ABCC10: variants seen among roughly 807,000 people sequenced by gnomAD.
The protein encoded by ABCC10 is ATP-binding cassette sub-family C member 10.
A neutral mutation model predicts 143.2 loss-of-function variants in ABCC10; 110 were observed. The ratio of observed to expected loss-of-function variants is 0.77; its 90% CI spans 0.66 to 0.90. The LOEUF (loss-of-function observed/expected upper bound fraction) is 0.90. ABCC10 is among the 40% of genes least tolerant of loss of function. ABCC10 has a pLI of 0.00. For missense variants in ABCC10, 1,700 were observed against 1,900.5 expected (o/e 0.89, Z 1.96); for synonymous variants, 805 against 846.7 (o/e 0.95, Z 0.85).
Position 43,450,286 on chromosome 6 carries a change from C to T in ABCC10, c.*195C>T. On this transcript the variant is annotated 3_prime_UTR_variant, in exon 22 of 22. Transcript: ENST00000372530. This position sits in a 1 kb window ranked among gnomAD's most constrained non-coding sequence, Gnocchi z 4.5. ...CAGCATCCTGAGGCTTCCCCAGAACCAGGCCTCTGCTCTGGCCCTCTTGCA... is the reference window on the plus strand; with the variant it reads ...CAGCATCCTGAGGCTTCCCCAGAACTAGGCCTCTGCTCTGGCCCTCTTGCA... 1.2e-6 allele frequency: 1 copy of T among 856,232 alleles called. No homozygotes were observed. Among genetic ancestry groups the T allele is most frequent in the Non-Finnish European group, 1.7e-6 (1 of 580,912 alleles). The allele number at this position is 856,232 out of a possible 1,614,324, so 53.0% of individuals were successfully genotyped here.
Position 43,447,245 on chromosome 6 carries a change from C to T in ABCC10, c.3545-3C>T, listed in dbSNP as rs1442323518. The T allele has an allele frequency of 2.5e-6, 4 of 1,612,574 alleles. No individual in the cohort carries two copies. Among genetic ancestry groups the T allele is most frequent in the East Asian group, 2.2e-5 (1 of 44,868 alleles). On this transcript the variant is annotated splice_region_variant and splice_polypyrimidine_tract_variant and intron_variant, in intron 16 of 21. Coordinates refer to ENST00000372530, the MANE Select transcript of ABCC10 (RefSeq NM_001198934.2). ...CCCAGCAGCTGGTACTTCTCTCCCC[C>T]AGGGCTGGTGGGCTTGTCGCTGTCT...
chr6:43,451,144 A>G (rs779705575), downstream of ABCC10: 1 of 1,614,048 alleles, frequency 6.2e-7, no homozygotes, highest in Non-Finnish European at 8.5e-7. The surrounding 1 kb of genome is among the most constrained non-coding windows in gnomAD (Gnocchi z 4.4). Context: ...CCGTTAGCAC[A>G]AGGCCGCATC....
In ABCC10 at chr6:43,447,300, G is replaced by A. The variant is rs755348834; in HGVS notation, c.3597G>A (p.Ser1199=). 1.2e-5 allele frequency: 19 copies of A among 1,613,534 alleles called. No homozygotes were observed. Among genetic ancestry groups the A allele is most frequent in the South Asian group, 8.8e-5 (8 of 91,088 alleles). Residue 1199 remains serine (S), a synonymous_variant, in exon 17 of 22, where the codon TCG becomes TCA. Coordinates refer to ENST00000372530, the MANE Select transcript of ABCC10 (RefSeq NM_001198934.2). ...CCCTGTCCCTGACGGGCCTGCTCTC[G>A]GGCCTGGTGAGCAGCTTCACACAGA... ...SYALSLTGLL[S]GLVSSFTQTE... is the part of the protein sequence containing the mutation.
Position 43,444,936 on chromosome 6 carries a change from C to G in ABCC10, c.2838C>G (p.Leu946=), listed in dbSNP as rs1189874899. The G allele has an allele frequency of 6.2e-7, 1 of 1,610,816 alleles. No homozygotes were observed. Among genetic ancestry groups the G allele is most frequent in the Admixed American group, 1.7e-5 (1 of 59,510 alleles). Residue 946 remains leucine (L), a splice_region_variant and synonymous_variant, in exon 13 of 22, where the codon CTC becomes CTG. Coordinates refer to ENST00000372530, the MANE Select transcript of ABCC10 (RefSeq NM_001198934.2). ...PQLLLFSPGN[L]YIPVFPLPKA... ...TGCTCCTCTTTTCCCCTGGAAACCT[C>G]TAGTGAGTGGCTGGGGCTGGGGGTA...
rs1202030918 is a variant in ABCC10 at position 43,434,836 on chromosome 6, C to T, written c.1596C>T (p.Leu532=). The T allele has an allele frequency of 6.2e-7, 1 of 1,614,106 alleles. No individual in the cohort carries two copies. Among genetic ancestry groups the T allele is most frequent in the Admixed American group, 1.7e-5 (1 of 60,022 alleles). Residue 532 remains leucine (L), a synonymous_variant, in exon 4 of 22, where the codon CTC becomes CTT. Coordinates refer to ENST00000372530, the MANE Select transcript of ABCC10 (RefSeq NM_001198934.2). ...FITYVLMGHQ[L]TATKVFTALA... is the part of the protein sequence containing the mutation. Reference sequence around the variant, plus strand: ...CCTATGTCCTCATGGGGCACCAGCTCACTGCCACCAAGGTGAGGACCAGGA... The same window carrying T: ...CCTATGTCCTCATGGGGCACCAGCTTACTGCCACCAAGGTGAGGACCAGGA...
At chr6:43,450,648 T>C (rs1019029367), downstream of ABCC10, 9 of 1,613,662 alleles carry the variant, frequency 5.6e-6, no homozygotes, top group East Asian at 2.2e-5. The surrounding 1 kb of genome is among the most constrained non-coding windows in gnomAD (Gnocchi z 4.5). Context: ...TGGAGCATAG[T>C]GTGGGGCAGG....
Position 43,444,016 on chromosome 6 carries a change from G to A in ABCC10, c.2494+6G>A. The stretch of plus-strand genomic sequence containing the variant: ...TGGACAAGAGTCTGACTCAGGTATG[G>A]CTCCCCAGTGGGAGAAAAGGGCTTG... On this transcript the variant is annotated splice_donor_region_variant and intron_variant, in intron 11 of 21. Coordinates refer to ENST00000372530, the MANE Select transcript of ABCC10 (RefSeq NM_001198934.2). The A allele has an allele frequency of 1.2e-6, 2 of 1,613,498 alleles. No homozygotes were observed. The highest frequency in any genetic ancestry group is 1.7e-6 in the Non-Finnish European group (2 of 1,179,392).
intron 20 of ABCC10, 81 bp downstream of exon 20, chr6:43,449,285 GT>G: frequency 6.5e-7 from 1 of 1,538,870 alleles, no homozygotes; most frequent in Non-Finnish European, 8.9e-7. Flanking sequence ...GTGGGGAGAG[GT>G]TTTAGGGGAC....
Position 43,448,898 on chromosome 6 carries a change from T to A in ABCC10, c.3977T>A (p.Ile1326Asn). 6.2e-7 allele frequency: 1 copy of A among 1,613,630 alleles called. No homozygotes were observed. The highest frequency in any genetic ancestry group is 8.5e-7 in the Non-Finnish European group (1 of 1,179,826). The change falls in exon 19 of 22, where the codon ATC (isoleucine) becomes AAC (asparagine). Residue 1326 changes from isoleucine (I) to asparagine (N), a missense_variant. Coordinates refer to ENST00000372530, the MANE Select transcript of ABCC10 (RefSeq NM_001198934.2). Reference protein sequence around the residue: ...LAQLRSQLAIIPQEPFLFSGT... With the variant: ...LAQLRSQLAINPQEPFLFSGT... ...TCCCCCAGATCCCAGTTGGCTATCA[T>A]CCCCCAGGAGCCCTTTTTGTTCAGT...
chr6:43,435,602 C>T, intron 4 of ABCC10, 149 bp from the exon 5 acceptor site: 1 of 890,974 alleles, frequency 1.1e-6, no homozygotes, highest in Non-Finnish European at 1.7e-6. Flanking sequence ...GTGACCATCT[C>T]TGCCACATCT....
rs1198359420 is a variant in ABCC10, at chr6:43,443,346, A to G, written c.2416+187A>G. 3.3e-6 allele frequency: 2 copies of G among 608,340 alleles called. No individual in the cohort carries two copies. The highest frequency in any genetic ancestry group is 2.7e-5 in the South Asian group (1 of 37,216). 37.7% of individuals were successfully genotyped at this position (608,340 alleles called of 1,614,324 possible). On this transcript the variant is annotated intron_variant, in intron 10 of 21. Transcript: ENST00000372530. This position sits in a 1 kb window ranked among gnomAD's most constrained non-coding sequence, Gnocchi z 4.2. ...AAAAGGAGTACGTTGGTAAAATGCC[A>G]GTGTATTTGGGACTCATGGGCTTTG...
Position 43,444,859 on chromosome 6 carries a change from G to A in ABCC10, c.2761G>A (p.Glu921Lys). Reference sequence around the variant, plus strand: ...GCTGAAGGCTGAGAATAGCTCCCAGGAGGCGCAACCCTCCACCAGCCCAGC... The same window carrying A: ...GCTGAAGGCTGAGAATAGCTCCCAGAAGGCGCAACCCTCCACCAGCCCAGC... ...SQLKAENSSQEAQPSTSPASM... is the reference protein window; with the variant it reads ...SQLKAENSSQKAQPSTSPASM... The change falls in exon 13 of 22, where the codon GAG becomes AAG. Residue 921 changes from glutamate (E) to lysine (K), a missense_variant. By Grantham distance (56) the Glu-to-Lys change is moderately conservative. Transcript: ENST00000372530. 6.2e-7 allele frequency: 1 copy of A among 1,614,018 alleles called. No individual in the cohort carries two copies. The highest frequency in any genetic ancestry group is 8.5e-7 in the Non-Finnish European group (1 of 1,179,940).
Position 43,449,448 on chromosome 6 carries a change from A to G in ABCC10, c.4230A>G (p.Ala1410=), listed in dbSNP as rs200055327. ...AKILCIDEAT[A]SVDQKTDQLL... ...TCCTGTGTATCGATGAGGCCACAGC[A>G]AGTGTGGACCAGAAGACAGACCAGC... The change falls in exon 21 of 22, where the codon GCA becomes GCG. Residue 1410 remains alanine, a synonymous_variant. Transcript: ENST00000372530. The G allele has an allele frequency of 1.9e-5, 31 of 1,613,688 alleles. No individual in the cohort carries two copies. The East Asian group carries it at 6.9e-4, about 36-fold the overall frequency.
Position 43,450,353 on chromosome 6 carries a change from T to TG in ABCC10, c.*263dup, listed in dbSNP as rs1783631135. 1 of 951,370 alleles carries TG rather than the reference T, an allele frequency of 1.1e-6. No individual in the cohort carries two copies. Among genetic ancestry groups the TG allele is most frequent in the Non-Finnish European group, 1.5e-6 (1 of 672,554 alleles). The allele number at this position is 951,370 out of a possible 1,614,324, so 58.9% of individuals were successfully genotyped here. A position where few individuals can be genotyped will look rare whatever the true frequency, so the allele number is the denominator to read the frequency against. ...GGTTTTTCTGGCATAGGAGCCCACT[T>TG]GCATTTTCATAGTTTTATTTGATAA... On this transcript the variant is annotated 3_prime_UTR_variant, in exon 22 of 22. Transcript: ENST00000372530. The surrounding 1 kb of genome is among the most constrained non-coding windows in gnomAD (Gnocchi z 4.5).
intron 4 of ABCC10, 75 bp downstream of exon 4, chr6:43,434,923 T>G (rs1184348827): frequency 6.7e-7 from 1 of 1,482,248 alleles, no homozygotes; most frequent in Non-Finnish European, 9.3e-7. Context: ...GGGCCCTCAG[T>G]GCTGGCTGAG....
intron 12 of ABCC10, 84 bp downstream of exon 12, chr6:43,444,437 C>T: frequency 7.0e-7 from 1 of 1,435,400 alleles, no homozygotes. Context: ...ATTACAAAGC[C>T]CAGAGACTCA....
In ABCC10 at chr6:43,443,653, C is replaced by T. The variant is rs1210385030; in HGVS notation, c.2417-280C>T. 5 of 429,096 alleles carry T rather than the reference C, an allele frequency of 1.2e-5. No individual in the cohort carries two copies. The highest frequency in any genetic ancestry group is 9.8e-5 in the African/African-American group (5 of 50,890). The allele number at this position is 429,096 out of a possible 1,614,324, so 26.6% of individuals were successfully genotyped here. On this transcript the variant is annotated intron_variant, in intron 10 of 21. Coordinates refer to ENST00000372530, the MANE Select transcript of ABCC10 (RefSeq NM_001198934.2). The surrounding 1 kb of genome is among the most constrained non-coding windows in gnomAD (Gnocchi z 4.2). ...CCTGGACAGAGTGGCAGGCATAGCT[C>T]TGGCGGTCCTCTTGGGGATGGACAT...
At position 43,435,752 on chromosome 6, in the gene ABCC10, TG is replaced by T; in HGVS notation, c.1611del (p.Phe538SerfsTer20). ...LMGHQLTATK[V>X]FTALALVRML... ...TCACCCTGCACCCACCTCACTCAGG[TG>T]TTCACGGCCCTGGCACTGGTGCGAA... On this transcript the variant is annotated frameshift_variant and splice_region_variant, in exon 5 of 22. Coordinates refer to ENST00000372530, the MANE Select transcript of ABCC10 (RefSeq NM_001198934.2). LOFTEE classifies it high-confidence loss of function. 3 of 1,614,032 alleles carry T rather than the reference TG, an allele frequency of 1.9e-6. No homozygotes were observed. The highest frequency in any genetic ancestry group is 2.5e-6 in the Non-Finnish European group (3 of 1,179,944).
chr6:43,450,536 C>A (rs1410353048), downstream of ABCC10: 1 of 1,540,660 alleles, frequency 6.5e-7, no homozygotes, highest in Non-Finnish European at 8.7e-7. The surrounding 1 kb of genome is among the most constrained non-coding windows in gnomAD (Gnocchi z 4.5). Flanking sequence ...GCCCCCACCT[C>A]CATCACAGTG....
Sources: gnomAD v4.1 joint callset for allele counts on GRCh38, gnomAD v4.1.1 for gene constraint, Gnocchi (gnomAD v3.1) non-coding constraint, MANE v1.5 for transcripts, NCBI Gene and HGNC (gene_info 2026-07-23, HGNC 2026-07-21) for gene names.